Variants in CNTN1 observed in about 807,000 individuals in gnomAD.
CNTN1 encodes contactin-1.
CNTN1 carries 38 observed loss-of-function variants against 126.4 expected under a neutral mutation model. The ratio of observed to expected loss-of-function variants is 0.30; its 90% CI spans 0.23 to 0.39. The LOEUF (loss-of-function observed/expected upper bound fraction) is 0.39. CNTN1 is among the 10% of genes least tolerant of loss of function. CNTN1 has a pLI of 1.00. For synonymous variants in CNTN1, 413 were observed against 422.6 expected, an observed-to-expected ratio of 0.98 and a Z score of 0.28; for missense variants, 1,009 against 1,248.4, an observed-to-expected ratio of 0.81 and a Z score of 2.89.
intron 17 of CNTN1, among the ~76,000 whole-genome samples, chr12:40,995,388 C>G (rs1948187801): frequency 6.6e-6 from 1 of 151,750 alleles, no homozygotes; most frequent in Non-Finnish European, 1.5e-5. Flanking sequence ...CAAATGAGCT[C>G]AGAGAGGCTA....
At chr12:40,824,378 G>A (rs1335427346) in intron 1 of CNTN1, among the ~76,000 whole-genome samples, 2 of 152,054 alleles carry the variant, frequency 1.3e-5, no homozygotes, top group Admixed American at 6.6e-5. Flanking sequence ...ACTAAGCCTT[G>A]AGAGGAAATA....
At chr12:41,010,599 T>A (rs1948622573) in intron 17 of CNTN1, among the ~76,000 whole-genome samples, 1 of 152,170 alleles carries the variant, frequency 6.6e-6, no homozygotes, top group African/African-American at 2.4e-5. Context: ...ATTTTCCTTC[T>A]AATATTGGGA....
chr12:40,744,013 C>A (rs576308359), intron 1 of CNTN1, among the ~76,000 whole-genome samples: 1 of 151,962 alleles, frequency 6.6e-6, no homozygotes, highest in Non-Finnish European at 1.5e-5. Flanking sequence ...AAGCCATTAT[C>A]CTCAGCAAAC....
At chr12:40,904,710 G>A (rs541247630) in intron 1 of CNTN1, among the ~76,000 whole-genome samples, 4 of 152,300 alleles carry the variant, frequency 2.6e-5, no homozygotes, top group African/African-American at 4.8e-5. Flanking sequence ...GATTACAGGT[G>A]TGAGCCACTG....
chr12:41,016,461 G>A (rs1475816683), intron 18 of CNTN1, among the ~76,000 whole-genome samples: 3 of 151,830 alleles, frequency 2.0e-5, no homozygotes, highest in Admixed American at 2.0e-4. Flanking sequence ...CGGAGTGAGA[G>A]GCCCCTGAGG....
rs1436647298 is a variant in CNTN1 at position 40,928,168 on chromosome 12, A to AG, written c.497-1623dup. On this transcript the variant is annotated intron_variant, in intron 6 of 23. Transcript: ENST00000551295. Reference sequence around the variant, plus strand: ...ACATTTTTGGCTTTGGTGGTGGGGCAGGGGGAGTGGGGATTTAATTTTTAA... The same window carrying AG: ...ACATTTTTGGCTTTGGTGGTGGGGCAGGGGGGAGTGGGGATTTAATTTTTAA... Among the ~76,000 whole-genome samples, 3 of 151,986 alleles carry AG rather than the reference A, an allele frequency of 2.0e-5. No homozygotes were observed. In the East Asian group the frequency reaches 5.8e-4, roughly 29 times the overall value.
At chr12:40,879,432 A>G (rs948275468) in intron 1 of CNTN1, among the ~76,000 whole-genome samples, 2 of 152,166 alleles carry the variant, frequency 1.3e-5, no homozygotes, top group Non-Finnish European at 2.9e-5. Flanking sequence ...GCAATACCAG[A>G]CATAAAATTC....
intron 1 of CNTN1, among the ~76,000 whole-genome samples, chr12:40,891,590 T>G (rs1024950011): frequency 6.6e-6 from 1 of 152,100 alleles, no homozygotes; most frequent in Non-Finnish European, 1.5e-5. Flanking sequence ...CTAAATTTTT[T>G]TTGTTGTTGC....
chr12:40,693,324 C>G (rs868309192), intron 1 of CNTN1, among the ~76,000 whole-genome samples: 8 of 152,288 alleles, frequency 5.3e-5, no homozygotes, highest in African/African-American at 1.9e-4. Context: ...CACCTAGTTT[C>G]TGAAAGGTGG....
At chr12:40,965,308 A>G (rs983797509) in intron 15 of CNTN1, among the ~76,000 whole-genome samples, 2 of 152,150 alleles carry the variant, frequency 1.3e-5, no homozygotes, top group Non-Finnish European at 2.9e-5. Context: ...CATGGTGGCA[A>G]ACAATAATCT....
At chr12:40,932,469 T>A (rs1805337560) in intron 7 of CNTN1, among the ~76,000 whole-genome samples, 1 of 152,016 alleles carries the variant, frequency 6.6e-6, no homozygotes, top group South Asian at 2.1e-4. Flanking sequence ...TTCAGATATG[T>A]CTCTATTAGC....
chr12:41,068,986 G>C (rs946711599), intron 23 of CNTN1, among the ~76,000 whole-genome samples: 1 of 152,100 alleles, frequency 6.6e-6, no homozygotes, highest in Non-Finnish European at 1.5e-5. Context: ...ACAAGACCCT[G>C]TATCTTAAAA....
At chr12:41,068,248 C>T (rs1219567358) in intron 23 of CNTN1, among the ~76,000 whole-genome samples, 1 of 152,080 alleles carries the variant, frequency 6.6e-6, no homozygotes, top group Non-Finnish European at 1.5e-5. Flanking sequence ...AAAAGACCTA[C>T]CATTGTAGGT....
intron 1 of CNTN1, among the ~76,000 whole-genome samples, chr12:40,829,136 T>C (rs1379216691): frequency 6.6e-6 from 1 of 152,160 alleles, no homozygotes; most frequent in African/African-American, 2.4e-5. Flanking sequence ...TCATGGCAAA[T>C]GATTAATTCC....
chr12:41,022,696 C>A lies in CNTN1; in HGVS notation c.2523+2256C>A, dbSNP rs1439328693. ...ATTGTGCTAAACACTTAACTAAGCT[C>A]ATTTTATTAAATCCACACAACCCTA... On this transcript the variant is annotated intron_variant, in intron 20 of 23. Transcript: ENST00000551295. Among the ~76,000 whole-genome samples, 4 of 152,122 alleles carry A rather than the reference C, an allele frequency of 2.6e-5. No homozygotes were observed. The East Asian group carries it at 7.7e-4, about 29-fold the overall frequency.
chr12:40,889,159 TG>T (rs1397880834), intron 1 of CNTN1, among the ~76,000 whole-genome samples: 1 of 152,242 alleles, frequency 6.6e-6, no homozygotes, highest in Non-Finnish European at 1.5e-5. Context: ...GTATTTATAG[TG>T]GGAGGGAGAT....
intron 17 of CNTN1, among the ~76,000 whole-genome samples, chr12:41,004,439 T>C (rs1948441716): frequency 6.6e-6 from 1 of 152,210 alleles, no homozygotes; most frequent in South Asian, 2.1e-4. Flanking sequence ...GAGAGTTCTG[T>C]AGGTATCTAT....
At chr12:40,990,976 G>T (rs1464110791) in intron 16 of CNTN1, among the ~76,000 whole-genome samples, 1 of 152,172 alleles carries the variant, frequency 6.6e-6, no homozygotes, top group Admixed American at 6.5e-5. Context: ...CCAAACTCAA[G>T]AATTATAAAC....
intron 17 of CNTN1, among the ~76,000 whole-genome samples, chr12:41,001,262 A>G (rs1437847521): frequency 6.6e-6 from 1 of 152,128 alleles, no homozygotes; most frequent in African/African-American, 2.4e-5. Flanking sequence ...CTTTGCCAGC[A>G]TCTGTTATTT....
Sources: gnomAD v4.1 joint callset for allele counts (sites outside exome capture counted in the v4.1 genomes callset) on GRCh38, gnomAD v4.1.1 for gene constraint, MANE v1.5 for transcripts, NCBI Gene and HGNC (gene_info 2026-07-23, HGNC 2026-07-21) for gene names.